The following ASTN2 variants were observed in gnomAD, a reference collection of about 807,000 sequenced individuals.
The protein encoded by ASTN2 is astrotactin-2.
ASTN2 carries 54 observed loss-of-function variants against 139.8 expected under a neutral mutation model. The ratio of observed to expected loss-of-function variants is 0.39; its 90% CI spans 0.31 to 0.48. The LOEUF (loss-of-function observed/expected upper bound fraction) is 0.48, where lower values mean the gene tolerates loss of function less well. Among genes scored for constraint, ASTN2 ranks in the 20% least tolerant of loss-of-function variants. The probability of loss-of-function intolerance (pLI) is 0.95; values close to 1 mark genes in which losing one functional copy is unlikely to be tolerated. For missense variants in ASTN2, 1,565 were observed against 1,725.1 expected (o/e 0.91, Z 1.64); for synonymous variants, 756 against 719.5 (o/e 1.05, Z -0.81).
chr9:116,894,986 G>A (rs563977626), intron 10 of ASTN2, among the ~76,000 whole-genome samples: 8 of 152,324 alleles, frequency 5.3e-5, no homozygotes, highest in African/African-American at 1.9e-4. Context: ...GCACATTTAT[G>A]TAAGTGGTCC....
intron 1 of ASTN2, among the ~76,000 whole-genome samples, chr9:117,362,471 G>C (rs965335693): frequency 6.6e-6 from 1 of 152,148 alleles, no homozygotes; most frequent in Non-Finnish European, 1.5e-5. Flanking sequence ...GCAGGTAAGG[G>C]AGAGATAGGT....
chr9:117,141,176 T>G (rs1830065785), intron 4 of ASTN2, 150 bp downstream of exon 4: 1 of 827,996 alleles, frequency 1.2e-6, no homozygotes, highest in Non-Finnish European at 1.7e-6. Flanking sequence ...AGCATAGGTC[T>G]GCAGCCTCCA....
chr9:117,214,573 C>T lies in ASTN2; in HGVS notation c.800G>A (p.Ser267Asn). ...GGTTTGCAGCCGGGATGAACGGAAG[C>T]TCTCCCGCGCCTGGGGACCCAGCAG... Reference protein sequence around the residue: ...SVLLGPQARESFRSSRLQTHN... With the variant: ...SVLLGPQARENFRSSRLQTHN... The change falls in exon 3 of 23, where the codon AGC (serine) becomes AAC (asparagine). Residue 267 changes from serine (S) to asparagine (N), a missense_variant. Around this residue, in one of 4 missense-constraint regions of ASTN2, gnomAD observed 596 missense variants for 576.8 expected, o/e 1.03. Coordinates refer to ENST00000313400, the MANE Select transcript of ASTN2 (RefSeq NM_001365068.1). The T allele has an allele frequency of 6.2e-7, 1 of 1,609,718 alleles. No individual in the cohort carries two copies. The highest frequency in any genetic ancestry group is 8.5e-7 in the Non-Finnish European group (1 of 1,176,300).
intron 1 of ASTN2, among the ~76,000 whole-genome samples, chr9:117,400,864 C>T (rs1830809338): frequency 6.6e-6 from 1 of 152,132 alleles, no homozygotes. Flanking sequence ...GGGACCAAAA[C>T]CCACGATTCC....
chr9:116,468,817 A>G (rs1162009309), intron 20 of ASTN2, among the ~76,000 whole-genome samples: 1 of 152,158 alleles, frequency 6.6e-6, no homozygotes, highest in East Asian at 1.9e-4. Flanking sequence ...TTCTTTCATC[A>G]TCCGAATTTG....
intron 4 of ASTN2, among the ~76,000 whole-genome samples, chr9:117,106,708 C>T (rs879852688): frequency 6.6e-6 from 1 of 152,142 alleles, no homozygotes; most frequent in African/African-American, 2.4e-5. Flanking sequence ...TATATGCATA[C>T]GTTTTTACAA....
At chr9:116,975,173 A>C (rs777201767) in intron 10 of ASTN2, 35 bp downstream of exon 10, 2 of 1,524,992 alleles carry the variant, frequency 1.3e-6, no homozygotes, top group Non-Finnish European at 8.8e-7. Context: ...GGTTTTAAGA[A>C]GTACCTATGC....
At chr9:116,887,959 T>A (rs747385296) in intron 10 of ASTN2, among the ~76,000 whole-genome samples, 26 of 152,214 alleles carry the variant, frequency 1.7e-4, no homozygotes, top group Non-Finnish European at 3.7e-4. Context: ...TGAGCCACTG[T>A]GCCCAGCCCC....
At chr9:116,803,349 T>C (rs956160241) in intron 13 of ASTN2, among the ~76,000 whole-genome samples, 17 of 148,622 alleles carry the variant, frequency 1.1e-4, no homozygotes, top group Admixed American at 4.7e-4. Context: ...AAGTGTTCAC[T>C]CTGTTGCCCA....
At position 117,039,813 on chromosome 9, in the gene ASTN2, T is replaced by C. The variant is rs1276739383; in HGVS notation, c.1423+6A>G. The C allele has an allele frequency of 2.5e-6, 4 of 1,612,458 alleles. No individual in the cohort carries two copies. Among genetic ancestry groups the C allele is most frequent in the African/African-American group, 1.3e-5 (1 of 74,892 alleles). Reference sequence around the variant, plus strand: ...GTGTGGAGCATCTGCAATGCTCGGCTCTTACCATCTGCTATGAAGTGCTCG... The same window carrying C: ...GTGTGGAGCATCTGCAATGCTCGGCCCTTACCATCTGCTATGAAGTGCTCG... On this transcript the variant is annotated splice_donor_region_variant and intron_variant, in intron 6 of 22. Transcript: ENST00000313400.
intron 2 of ASTN2, among the ~76,000 whole-genome samples, chr9:117,246,826 G>C (rs1833395822): frequency 6.6e-6 from 1 of 152,122 alleles, no homozygotes; most frequent in African/African-American, 2.4e-5. Context: ...GGGTGAAATG[G>C]GCAAGCAGGT....
chr9:116,566,877 A>G (rs1374174448), intron 19 of ASTN2, among the ~76,000 whole-genome samples: 1 of 152,064 alleles, frequency 6.6e-6, no homozygotes, highest in African/African-American at 2.4e-5. Context: ...ACTCTCCTTC[A>G]CACAGGGTCA....
chr9:117,328,607 C>T (rs886107056), intron 1 of ASTN2, among the ~76,000 whole-genome samples: 1 of 152,132 alleles, frequency 6.6e-6, no homozygotes, highest in African/African-American at 2.4e-5. Context: ...TAATTAATCC[C>T]TCACCACTCC....
At chr9:117,323,289 C>A (rs1011508291) in intron 1 of ASTN2, among the ~76,000 whole-genome samples, 1 of 152,100 alleles carries the variant, frequency 6.6e-6, no homozygotes, top group Non-Finnish European at 1.5e-5. Flanking sequence ...TCTGACCCCC[C>A]AAAGCCTCAT....
At chr9:116,610,191 C>A (rs1855463129) in intron 19 of ASTN2, among the ~76,000 whole-genome samples, 1 of 152,092 alleles carries the variant, frequency 6.6e-6, no homozygotes, top group Admixed American at 6.5e-5. Context: ...GGTCTAAACA[C>A]CCCAACTTTA....
At chr9:116,434,593 G>A (rs1177167671) in intron 22 of ASTN2, among the ~76,000 whole-genome samples, 3 of 152,162 alleles carry the variant, frequency 2.0e-5, no homozygotes, top group Non-Finnish European at 2.9e-5. Flanking sequence ...CAATTTCACT[G>A]AAGCAAAATG....
At chr9:116,536,631 T>C (rs374551929) in intron 19 of ASTN2, among the ~76,000 whole-genome samples, 118 of 150,538 alleles carry the variant, frequency 7.8e-4, no homozygotes, top group Middle Eastern at 6.8e-3. Context: ...CTCCAGACCC[T>C]GTTTGCCTGG....
At chr9:117,363,208 A>C (rs930957830) in intron 1 of ASTN2, among the ~76,000 whole-genome samples, 2 of 152,146 alleles carry the variant, frequency 1.3e-5, no homozygotes, top group African/African-American at 4.8e-5. Context: ...TGTAACACCG[A>C]AGGTCCATGT....
rs1296891447 is a variant in ASTN2 at position 117,008,266 on chromosome 9, G to A, written c.1424-7C>T. On this transcript the variant is annotated splice_region_variant and splice_polypyrimidine_tract_variant and intron_variant, in intron 6 of 22. Coordinates refer to ENST00000313400, the MANE Select transcript of ASTN2 (RefSeq NM_001365068.1). ...CTCACCACGAAGCTGCTTCCTATGG[G>A]TGAACGGAGAGACAGATACTTTCTT... The A allele has an allele frequency of 1.3e-6, 2 of 1,587,624 alleles. No homozygotes were observed. Among genetic ancestry groups the A allele is most frequent in the African/African-American group, 2.7e-5 (2 of 74,588 alleles).
Sources: allele counts gnomAD v4.1 joint callset (sites outside exome capture counted in the v4.1 genomes callset), GRCh38; gene constraint gnomAD v4.1.1; regional missense constraint gnomAD v4.1.1; transcripts MANE v1.5; gene names NCBI Gene and HGNC (gene_info 2026-07-23, HGNC 2026-07-21).